The following LRP1B variants were observed in gnomAD, a reference collection of about 807,000 sequenced individuals.
The protein encoded by LRP1B is low-density lipoprotein receptor-related protein 1B.
A neutral mutation model predicts 556.6 loss-of-function variants in LRP1B; 217 were observed. That is an observed-to-expected ratio of 0.39 (90% CI 0.35 to 0.44). The LOEUF (loss-of-function observed/expected upper bound fraction) is 0.44. Ranked by LOEUF, LRP1B falls within the 20% of genes least tolerant of loss-of-function variation. The probability of loss-of-function intolerance (pLI) is 1.00; values close to 1 mark genes in which losing one functional copy is unlikely to be tolerated. For missense variants in LRP1B, 5,053 were observed against 5,620.8 expected, an observed-to-expected ratio of 0.90 and a Z score of 3.23; for synonymous variants, 2,047 against 1,865.8, an observed-to-expected ratio of 1.10 and a Z score of -2.50.
chr2:140,295,976 A>G (rs1683586287), intron 84 of LRP1B, among the ~76,000 whole-genome samples: 1 of 152,116 alleles, frequency 6.6e-6, no homozygotes, highest in East Asian at 1.9e-4. Context: ...GGTAAAATTG[A>G]GAGTGAAAAC....
chr2:141,465,615 T>C (rs1682160224), intron 3 of LRP1B, among the ~76,000 whole-genome samples: 2 of 149,564 alleles, frequency 1.3e-5, no homozygotes, highest in Admixed American at 6.8e-5. Flanking sequence ...AGTGGCACAA[T>C]CTGGGCTCAC....
chr2:141,413,493 C>T (rs543009866), intron 3 of LRP1B, among the ~76,000 whole-genome samples: 5 of 152,236 alleles, frequency 3.3e-5, no homozygotes, highest in Admixed American at 1.3e-4. Context: ...AGGAATGCAG[C>T]CCGGCCAACA....
intron 72 of LRP1B, among the ~76,000 whole-genome samples, chr2:140,362,413 A>G (rs1400044546): frequency 6.6e-6 from 1 of 151,696 alleles, no homozygotes; most frequent in African/African-American, 2.4e-5. Context: ...GTTCTCCTCT[A>G]CTTACTATGG....
At chr2:141,197,889 C>T (rs960070447) in intron 6 of LRP1B, among the ~76,000 whole-genome samples, 1 of 152,052 alleles carries the variant, frequency 6.6e-6, no homozygotes, top group Non-Finnish European at 1.5e-5. Flanking sequence ...GAAGACATCA[C>T]AGAAAATCAG....
At chr2:140,818,959 AAG>A (rs1559137677) in intron 31 of LRP1B, among the ~76,000 whole-genome samples, 1 of 147,568 alleles carries the variant, frequency 6.8e-6, no homozygotes, top group African/African-American at 2.5e-5. Context: ...AAAAAAAAAA[AAG>A]AGAATGTGCT....
intron 36 of LRP1B, 50 bp from the exon 37 acceptor site, chr2:140,716,152 G>A (rs2105462238): frequency 7.6e-7 from 1 of 1,309,604 alleles, no homozygotes; most frequent in Non-Finnish European, 1.0e-6. Context: ...GAAAAAAAAT[G>A]TATTTGTCAT....
chr2:140,555,163 T>C (rs930457378), intron 43 of LRP1B, among the ~76,000 whole-genome samples: 1 of 151,808 alleles, frequency 6.6e-6, no homozygotes, highest in African/African-American at 2.4e-5. Flanking sequence ...AAACCTCATA[T>C]GTCCACACCA....
chr2:140,313,127 T>A (rs1307564680), intron 83 of LRP1B, among the ~76,000 whole-genome samples: 1 of 151,924 alleles, frequency 6.6e-6, no homozygotes, highest in Non-Finnish European at 1.5e-5. Flanking sequence ...AACCACATTT[T>A]AAAAGTGAAA....
intron 17 of LRP1B, among the ~76,000 whole-genome samples, chr2:140,988,478 G>A (rs2105351181): frequency 6.6e-6 from 1 of 152,178 alleles, no homozygotes; most frequent in Middle Eastern, 3.4e-3. Flanking sequence ...TGGAATGATG[G>A]CTGTTTTGCT....
chr2:140,550,072 G>A (rs915285746), intron 43 of LRP1B, among the ~76,000 whole-genome samples: 10 of 151,782 alleles, frequency 6.6e-5, no homozygotes, highest in Admixed American at 2.6e-4. Context: ...TGTTCTCATT[G>A]TTCAACTCCT....
chr2:140,643,787 A>T (rs1684384758), intron 41 of LRP1B, among the ~76,000 whole-genome samples: 1 of 152,200 alleles, frequency 6.6e-6, no homozygotes, highest in Admixed American at 6.5e-5. Context: ...TGCAATGTTC[A>T]TGCATATTGA....
chr2:141,553,978 A>G (rs1314643474), intron 2 of LRP1B, among the ~76,000 whole-genome samples: 1 of 139,316 alleles, frequency 7.2e-6, no homozygotes, highest in East Asian at 2.1e-4. Flanking sequence ...ATCTACATTA[A>G]TAGACATAGA....
At chr2:140,410,338 A>G (rs1684919588) in intron 66 of LRP1B, among the ~76,000 whole-genome samples, 1 of 151,974 alleles carries the variant, frequency 6.6e-6, no homozygotes, top group Non-Finnish European at 1.5e-5. Context: ...TGCATAGTCA[A>G]CAAAGTATTG....
intron 2 of LRP1B, among the ~76,000 whole-genome samples, chr2:141,756,671 T>C (rs111302600): frequency 1.3e-5 from 2 of 152,180 alleles, no homozygotes; most frequent in Admixed American, 6.6e-5. Context: ...TTTTACTGTA[T>C]CTTTTTATAT....
At chr2:141,872,318 G>A (rs963064512) in intron 1 of LRP1B, among the ~76,000 whole-genome samples, 23 of 152,016 alleles carry the variant, frequency 1.5e-4, no homozygotes, top group African/African-American at 5.5e-4. Flanking sequence ...TATAAACGTT[G>A]ACTGGATTCA....
At chr2:141,323,854 C>T (rs1687330970) in intron 3 of LRP1B, among the ~76,000 whole-genome samples, 1 of 151,648 alleles carries the variant, frequency 6.6e-6, no homozygotes, top group Admixed American at 6.6e-5. Context: ...CAAAGGAAAA[C>T]ACACACACAC....
intron 43 of LRP1B, among the ~76,000 whole-genome samples, chr2:140,558,329 A>G (rs1680808168): frequency 6.6e-6 from 1 of 152,210 alleles, no homozygotes. Flanking sequence ...CAATATTTAT[A>G]GTAGTCAAAA....
chr2:141,525,364 G>A (rs1684662947), intron 2 of LRP1B, among the ~76,000 whole-genome samples: 1 of 151,954 alleles, frequency 6.6e-6, no homozygotes, highest in Non-Finnish European at 1.5e-5. Flanking sequence ...TTATACCTGG[G>A]TAGACAACTG....
intron 82 of LRP1B, among the ~76,000 whole-genome samples, chr2:140,319,565 T>C (rs1197297012): frequency 6.6e-6 from 1 of 152,102 alleles, no homozygotes; most frequent in East Asian, 1.9e-4. Flanking sequence ...TAGTGGGAGC[T>C]AAATGATGAG....
Sources: allele counts gnomAD v4.1 joint callset (sites outside exome capture counted in the v4.1 genomes callset), GRCh38; gene constraint gnomAD v4.1.1; transcripts MANE v1.5; gene names NCBI Gene and HGNC (gene_info 2026-07-23, HGNC 2026-07-21).